SLC61A1: variants seen among roughly 807,000 people sequenced by gnomAD.
SLC61A1 encodes the protein solute carrier family 61 member 1.
the SLC61A1 span, chr12:53,252,468 G>A: frequency 2.3e-6 from 3 of 1,296,146 alleles, no homozygotes; most frequent in East Asian, 6.8e-5. Flanking sequence ...AAGAGGCTCC[G>A]CAGCGAGGAC....
the SLC61A1 span, chr12:53,252,370 G>C: frequency 7.5e-7 from 1 of 1,327,724 alleles, no homozygotes; most frequent in African/African-American, 1.5e-5. Flanking sequence ...GGGCCTCTGA[G>C]ATGCACACGC....
chr12:53,252,701 A>C, the SLC61A1 span: 6 of 1,298,810 alleles, frequency 4.6e-6, no homozygotes, highest in Admixed American at 1.6e-4. Flanking sequence ...CCGGTCTGAG[A>C]TCTTGGGGAG....
chr12:53,253,964 G>A, the SLC61A1 span: 1 of 1,614,194 alleles, frequency 6.2e-7, no homozygotes, highest in Non-Finnish European at 8.5e-7. Context: ...GCAGGCTGGT[G>A]TACTCAACTG....
chr12:53,253,834 C>T, the SLC61A1 span: 1 of 1,614,224 alleles, frequency 6.2e-7, no homozygotes, highest in Non-Finnish European at 8.5e-7. Flanking sequence ...CTTTCTCTAC[C>T]AGCCCAGGCC....
the SLC61A1 span, chr12:53,253,166 T>G: frequency 6.2e-7 from 1 of 1,614,272 alleles, no homozygotes; most frequent in East Asian, 2.2e-5. Flanking sequence ...TTGTGTCCTC[T>G]TCTCCCTGAC....
the SLC61A1 span, chr12:53,252,884 C>G: frequency 6.2e-7 from 1 of 1,614,046 alleles, no homozygotes; most frequent in African/African-American, 1.3e-5. Context: ...GGCCTCCTGC[C>G]TGGGGCTGGA....
At chr12:53,251,669 G>C in the SLC61A1 span, 10 of 1,463,346 alleles carry the variant, frequency 6.8e-6, no homozygotes, top group South Asian at 1.4e-4. Context: ...TCTGCAGCCC[G>C]ACTCCAAGTT....
At chr12:53,253,280 G>C in the SLC61A1 span, 1 of 1,614,238 alleles carries the variant, frequency 6.2e-7, no homozygotes, top group Middle Eastern at 1.6e-4. Flanking sequence ...CTCAGCCTTC[G>C]AGGCCTGGTA....
At chr12:53,251,780 C>G in the SLC61A1 span, 2 of 1,537,144 alleles carry the variant, frequency 1.3e-6, no homozygotes, top group Non-Finnish European at 1.7e-6. Context: ...GAGACCTTCT[C>G]GGCTTCGGGC....
the SLC61A1 span, chr12:53,252,127 G>C: frequency 4.9e-6 from 7 of 1,441,592 alleles, no homozygotes; most frequent in Non-Finnish European, 6.3e-6. Flanking sequence ...GCGGCCAGAG[G>C]CCTGCCCGGC....
chr12:53,252,055 C>T, the SLC61A1 span: 1 of 160,952 alleles, frequency 6.2e-6, no homozygotes, highest in South Asian at 1.0e-4. Flanking sequence ...GGAGGGCGGG[C>T]GGGCGGGGCG....
the SLC61A1 span, chr12:53,252,886 G>A: frequency 1.5e-5 from 25 of 1,614,142 alleles, no homozygotes; most frequent in Non-Finnish European, 2.1e-5. Context: ...CCTCCTGCCT[G>A]GGGCTGGAAC....
chr12:53,252,371 A>G, the SLC61A1 span: 1 of 1,320,290 alleles, frequency 7.6e-7, no homozygotes, highest in Admixed American at 3.8e-5. Flanking sequence ...GGCCTCTGAG[A>G]TGCACACGCA....
At chr12:53,254,146 G>C in the SLC61A1 span, 2 of 1,614,150 alleles carry the variant, frequency 1.2e-6, no homozygotes, top group Non-Finnish European at 1.7e-6. Flanking sequence ...CTGAGCTGCG[G>C]GTACCTTCAC....
the SLC61A1 span, chr12:53,251,814 T>G: frequency 6.5e-7 from 1 of 1,537,220 alleles, no homozygotes; most frequent in South Asian, 1.2e-5. Context: ...CTTAGGAAGC[T>G]CCAACCCTTG....
the SLC61A1 span, chr12:53,252,889 G>T: frequency 1.2e-6 from 2 of 1,614,172 alleles, no homozygotes; most frequent in Admixed American, 3.3e-5. Flanking sequence ...CCTGCCTGGG[G>T]CTGGAACTGT....
At chr12:53,254,220 C>T in the SLC61A1 span, 1 of 1,598,360 alleles carries the variant, frequency 6.3e-7, no homozygotes, top group South Asian at 1.1e-5. Context: ...CTGGGACAGA[C>T]TCTTGAATTC....
the SLC61A1 span, chr12:53,253,637 T>A: frequency 6.2e-7 from 1 of 1,614,078 alleles, no homozygotes; most frequent in African/African-American, 1.3e-5. Flanking sequence ...CATCTTTGTC[T>A]TCCTCTGGAC....
At chr12:53,252,682 C>G in the SLC61A1 span, 4 of 1,233,104 alleles carry the variant, frequency 3.2e-6, no homozygotes, top group Non-Finnish European at 4.4e-6. Flanking sequence ...ACCCACCCAA[C>G]TGGTCCCTCC....
Sources: gnomAD v4.1 joint callset for allele counts on GRCh38, gnomAD v4.1.1 for gene constraint, MANE v1.5 for transcripts, NCBI Gene and HGNC (gene_info 2026-07-23, HGNC 2026-07-21) for gene names.